The following PHF23 variants were observed in gnomAD, a reference collection of about 807,000 sequenced individuals.
PHF23 encodes PHD finger protein 23, also known as PDH-containing protein JUNE-1.
A neutral mutation model predicts 36.0 loss-of-function variants in PHF23; 3 were observed. The observed-to-expected ratio is 0.08, with a 90% confidence interval of 0.04 to 0.22. The LOEUF is 0.22. Ranked by LOEUF, PHF23 falls within the 10% of genes least tolerant of loss-of-function variation. The probability of loss-of-function intolerance (pLI) is 1.00; values close to 1 mark genes in which losing one functional copy is unlikely to be tolerated. For missense variants in PHF23, 475 were observed against 513.6 expected, an observed-to-expected ratio of 0.92 and a Z score of 0.73; for synonymous variants, 242 against 192.5, an observed-to-expected ratio of 1.26 and a Z score of -2.13.
At chr17:7,238,546 G>A in intron 1 of PHF23, 4 of 1,105,370 alleles carry the variant, frequency 3.6e-6, no homozygotes, top group African/African-American at 4.6e-5. Context: ...CACCGCTGCT[G>A]CCGCCGATGC....
At chr17:7,238,676 C>T in intron 1 of PHF23, 1 of 1,114,838 alleles carries the variant, frequency 9.0e-7, no homozygotes, top group Non-Finnish European at 1.1e-6. Context: ...TACAACTACC[C>T]AGCTCGCCTC....
In PHF23 at chr17:7,239,373, C is replaced by A; in HGVS notation, c.-94G>T. 1 of 660,738 alleles carries A rather than the reference C, an allele frequency of 1.5e-6. No homozygotes were observed. The highest frequency in any genetic ancestry group is 2.7e-6 in the Non-Finnish European group (1 of 372,970). 40.9% of individuals were successfully genotyped at this position (660,738 alleles called of 1,614,324 possible). A position where few individuals can be genotyped will look rare whatever the true frequency, so the allele number is the denominator to read the frequency against. On this transcript the variant is annotated 5_prime_UTR_variant, in exon 1 of 5. Transcript: ENST00000320316. ...TGCTCGATGCTCCCACTGCTTCGCT[C>A]CACAGAAGTGTCCGCCTCAGCCCGG... is the stretch of plus-strand genomic sequence containing the variant.
At position 7,236,727 on chromosome 17, in the gene PHF23, C is replaced by T; in HGVS notation, c.200G>A (p.Arg67Gln). 2 of 1,613,718 alleles carry T rather than the reference C, an allele frequency of 1.2e-6. No homozygotes were observed. The highest frequency in any genetic ancestry group is 2.2e-5 in the East Asian group (1 of 44,888). ...ATCACTGTCGGCCGCACTCTCTCCT[C>T]GCAATGGAGAGCTGGAGCCAGAGGC... is the stretch of plus-strand genomic sequence containing the variant. ...WPASGSSSPL[R>Q]GESAADSDGW... Residue 67 changes from arginine (R) to glutamine (Q), a missense_variant, in exon 4 of 5, where the codon CGA becomes CAA. Arg to Gln is a conservative substitution (Grantham distance 43). Coordinates refer to ENST00000320316, the MANE Select transcript of PHF23 (RefSeq NM_024297.3). This position sits in a 1 kb window ranked among gnomAD's most constrained non-coding sequence, Gnocchi z 5.1.
chr17:7,240,153 A>G (rs1448759559), upstream of PHF23: 1 of 152,240 alleles, frequency 6.6e-6, no homozygotes, highest in Non-Finnish European at 1.5e-5. Flanking sequence ...TTTTTTTTAC[A>G]TGAGCATTTT....
chr17:7,235,417 A>C lies in PHF23; in HGVS notation c.*209T>G. The C allele has an allele frequency of 1.7e-6, 1 of 589,292 alleles. No homozygotes were observed. The highest frequency in any genetic ancestry group is 3.0e-6 in the Non-Finnish European group (1 of 333,666). The allele number at this position is 589,292 out of a possible 1,614,324, so 36.5% of individuals were successfully genotyped here. On this transcript the variant is annotated 3_prime_UTR_variant, in exon 5 of 5. Transcript: ENST00000320316. ...GGGACACAGACAGCCTCCCATCCCCAACCGTAATGGATTCAATTTCAAGTC... is the reference window on the plus strand; with the variant it reads ...GGGACACAGACAGCCTCCCATCCCCCACCGTAATGGATTCAATTTCAAGTC...
chr17:7,239,673 G>A (rs2071753405), upstream of PHF23: 1 of 155,584 alleles, frequency 6.4e-6, no homozygotes, highest in Non-Finnish European at 1.4e-5. Flanking sequence ...ACAGGCTGGC[G>A]CAGGCGCACC....
At position 7,239,293 on chromosome 17, in the gene PHF23, C is replaced by T. The variant is rs1358075140; in HGVS notation, c.-14G>A. 2.1e-6 allele frequency: 3 copies of T among 1,400,758 alleles called. No homozygotes were observed. The highest frequency in any genetic ancestry group is 2.4e-5 in the East Asian group (1 of 41,688). 86.8% of individuals were successfully genotyped at this position (1,400,758 alleles called of 1,614,324 possible). On this transcript the variant is annotated 5_prime_UTR_variant, in exon 1 of 5. Transcript: ENST00000320316. Reference sequence around the variant, plus strand: ...GGCTTCCAGCATCGCCCCCTCCCCTCCTCCCGGTCCGGCGCCCCCCTCCCC... The same window carrying T: ...GGCTTCCAGCATCGCCCCCTCCCCTTCTCCCGGTCCGGCGCCCCCCTCCCC...
At chr17:7,239,550 C>T (rs1297191186), upstream of PHF23, 5 of 332,704 alleles carry the variant, frequency 1.5e-5, no homozygotes, top group African/African-American at 4.5e-5. Flanking sequence ...CCTCTTCTCT[C>T]CCTCCTCCCC....
Position 7,239,268 on chromosome 17 carries a change from G to T in PHF23, c.12C>A (p.Ala4=). The T allele has an allele frequency of 6.5e-7, 1 of 1,535,736 alleles. No individual in the cohort carries two copies. The part of the protein sequence containing the change: MLE[A]MAEPSPEDPP... ...CACCTTCGGGACTGGGCTCCGCCAT[G>T]GCTTCCAGCATCGCCCCCTCCCCTC... The change falls in exon 1 of 5, where the codon GCC becomes GCA. Residue 4 remains alanine (A), a synonymous_variant. Transcript: ENST00000320316.
rs1041265612 is a variant in PHF23, at chr17:7,235,481, C to G, written c.*145G>C. The G allele has an allele frequency of 5.0e-6, 4 of 805,164 alleles. No individual in the cohort carries two copies. In the African/African-American group the frequency reaches 6.9e-5, roughly 14 times the overall value. 49.9% of individuals were successfully genotyped at this position (805,164 alleles called of 1,614,324 possible). A position where few individuals can be genotyped will look rare whatever the true frequency, so the allele number is the denominator to read the frequency against. ...GGAAGGATAGGGTGGGAAAGTGAGA[C>G]ACTCATTTTCAAACAAGTCTCCCTT... On this transcript the variant is annotated 3_prime_UTR_variant, in exon 5 of 5. Transcript: ENST00000320316.
In PHF23 at chr17:7,237,396, G is replaced by A. The variant is rs750913492; in HGVS notation, c.148C>T (p.Pro50Ser). 14 of 1,613,242 alleles carry A rather than the reference G, an allele frequency of 8.7e-6. No homozygotes were observed. The highest frequency in any genetic ancestry group is 1.6e-4 in the Middle Eastern group (1 of 6,080). The change falls in exon 3 of 5, where the codon CCT becomes TCT. Residue 50 changes from proline (P) to serine (S), a missense_variant. Pro to Ser is a moderately conservative substitution (Grantham distance 74). This residue lies in a region of PHF23 where 350 missense variants were observed against 319.8 expected (regional missense o/e 1.09). Coordinates refer to ENST00000320316, the MANE Select transcript of PHF23 (RefSeq NM_024297.3). ...TCTCTTGCCCCTACCTCTTTGCTAGGGGGAATGTAACCAGCATATGCCAAA... is the reference window on the plus strand; with the variant it reads ...TCTCTTGCCCCTACCTCTTTGCTAGAGGGAATGTAACCAGCATATGCCAAA... Reference protein sequence around the residue: ...FVLAYAGYIPPSKEESDWPAS... With the variant: ...FVLAYAGYIPSSKEESDWPAS...
Position 7,237,299 on chromosome 17 carries a change from T to C in PHF23, c.159+86A>G, listed in dbSNP as rs910227716. 6.7e-6 allele frequency: 8 copies of C among 1,188,078 alleles called. No individual in the cohort carries two copies. In the Admixed American group the frequency reaches 1.7e-4, roughly 25 times the overall value. 73.6% of individuals were successfully genotyped at this position (1,188,078 alleles called of 1,614,324 possible). On this transcript the variant is annotated intron_variant, in intron 3 of 4. Coordinates refer to ENST00000320316, the MANE Select transcript of PHF23 (RefSeq NM_024297.3). Reference sequence around the variant, plus strand: ...CATATAATTTCTAAGGGCCTCCTTCTATAAAGCAATACAGTTCTGTTTGAA... The same window carrying C: ...CATATAATTTCTAAGGGCCTCCTTCCATAAAGCAATACAGTTCTGTTTGAA...
rs1450172972 is a variant in PHF23 at position 7,238,439 on chromosome 17, C to T, written c.35-779G>A. The stretch of plus-strand genomic sequence containing the variant: ...CCCTCTCCGGCCGCCGCCCCCCCCT[C>T]CGCCCCCGTACTCACCACCCAGTTA... On this transcript the variant is annotated intron_variant, in intron 1 of 4. Coordinates refer to ENST00000320316, the MANE Select transcript of PHF23 (RefSeq NM_024297.3). The T allele has an allele frequency of 1.9e-5, 5 of 267,010 alleles. No homozygotes were observed. The Admixed American group carries it at 3.1e-4, about 17-fold the overall frequency. 16.5% of individuals were successfully genotyped at this position (267,010 alleles called of 1,614,324 possible).
rs972540086 is a variant in PHF23 at position 7,235,595 on chromosome 17, A to T, written c.*31T>A. 3.7e-6 allele frequency: 6 copies of T among 1,605,550 alleles called. No individual in the cohort carries two copies. Among genetic ancestry groups the T allele is most frequent in the Admixed American group, 1.7e-5 (1 of 59,878 alleles). On this transcript the variant is annotated 3_prime_UTR_variant, in exon 5 of 5. Transcript: ENST00000320316. ...GGCTCAGTTCCCAAATCATGTTGTC[A>T]TTTGGAAGTTCCAGGCTAAAGTTGG...
At position 7,235,666 on chromosome 17, in the gene PHF23, G is replaced by A. The variant is rs2071642398; in HGVS notation, c.1172C>T (p.Ala391Val). The change falls in exon 5 of 5, where the codon GCC (alanine) becomes GTC (valine). Residue 391 changes from alanine to valine, a missense_variant. Ala to Val is a moderately conservative substitution (Grantham distance 64). This residue lies in a region of PHF23 where 28 missense variants were observed against 24.6 expected (regional missense o/e 1.14). Transcript: ENST00000320316. ...TTTGGGAGGCCCCCCTAACCGCCGG[G>A]CCTCTGGCCTCAGTTCCTTGCATTT... ...CQKCKELRPE[A>V]RRLGGPPKSG... 6.2e-7 allele frequency: 1 copy of A among 1,613,962 alleles called. No individual in the cohort carries two copies. The highest frequency in any genetic ancestry group is 1.3e-5 in the African/African-American group (1 of 74,934).
chr17:7,239,024 C>T, intron 1 of PHF23: 1 of 1,423,684 alleles, frequency 7.0e-7, no homozygotes, highest in Non-Finnish European at 9.3e-7. Context: ...GCTCCTATCC[C>T]CCGCACCCCC....
In PHF23 at chr17:7,235,371, A is replaced by C; in HGVS notation, c.*255T>G. 1.9e-6 allele frequency: 1 copy of C among 518,238 alleles called. No homozygotes were observed. Among genetic ancestry groups the C allele is most frequent in the Non-Finnish European group, 3.5e-6 (1 of 286,146 alleles). 32.1% of individuals were successfully genotyped at this position (518,238 alleles called of 1,614,324 possible). ...CCCAGAAAGTGATGGTGGCAGGTCCAAGAGACAGAGATTATGTGTCGGGAC... is the reference window on the plus strand; with the variant it reads ...CCCAGAAAGTGATGGTGGCAGGTCCCAGAGACAGAGATTATGTGTCGGGAC... On this transcript the variant is annotated 3_prime_UTR_variant, in exon 5 of 5. Transcript: ENST00000320316.
In PHF23 at chr17:7,238,891, C is replaced by G. The variant is rs968339701; in HGVS notation, c.34+355G>C. 2.6e-6 allele frequency: 4 copies of G among 1,533,590 alleles called. No homozygotes were observed. The African/African-American group carries it at 5.5e-5, about 21-fold the overall frequency. 95.0% of individuals were successfully genotyped at this position (1,533,590 alleles called of 1,614,324 possible). On this transcript the variant is annotated intron_variant, in intron 1 of 4. Transcript: ENST00000320316. ...CGAACTACCGGGCCCCTCACTCAGC[C>G]TCTTCTACGTCCTCCCTCCTGAGCA...
rs1264707285 is a variant in PHF23, at chr17:7,236,386, T to C, written c.541A>G (p.Lys181Glu). The C allele has an allele frequency of 6.2e-7, 1 of 1,614,074 alleles. No individual in the cohort carries two copies. The highest frequency in any genetic ancestry group is 1.1e-5 in the South Asian group (1 of 91,082). ...CCCAACTTTCGGTTCTTTCGGTCCT[T>C]CTTTCGAGGAGGATGGGAGAGGTCC... ...QGDLSHPPRK[K>E]DRKNRKLGPG... The change falls in exon 4 of 5, where the codon AAG becomes GAG. Residue 181 changes from lysine to glutamate, a missense_variant. Coordinates refer to ENST00000320316, the MANE Select transcript of PHF23 (RefSeq NM_024297.3). This position sits in a 1 kb window ranked among gnomAD's most constrained non-coding sequence, Gnocchi z 5.1.
Sources: allele counts gnomAD v4.1 joint callset, GRCh38; gene constraint gnomAD v4.1.1; regional missense constraint gnomAD v4.1.1; non-coding constraint Gnocchi (gnomAD v3.1); transcripts MANE v1.5; gene names NCBI Gene and HGNC (gene_info 2026-07-23, HGNC 2026-07-21).